FRMD3: variants seen among roughly 807,000 people sequenced by gnomAD.
FRMD3 encodes FERM domain-containing protein 3.
FRMD3 carries 33 observed loss-of-function variants against 70.2 expected under a neutral mutation model. The ratio of observed to expected loss-of-function variants is 0.47; its 90% CI spans 0.36 to 0.63. The LOEUF is 0.63. FRMD3 is among the 20% of genes least tolerant of loss of function. FRMD3 has a pLI of 0.00. For synonymous variants in FRMD3, 279 were observed against 255.9 expected (o/e 1.09, Z -0.86); for missense variants, 632 against 711.4 (o/e 0.89, Z 1.27).
At chr9:83,536,639 C>T (rs927060987) in intron 1 of FRMD3, among the ~76,000 whole-genome samples, 10 of 152,078 alleles carry the variant, frequency 6.6e-5, no homozygotes, top group Non-Finnish European at 1.3e-4. Flanking sequence ...TGCTGCTTAG[C>T]TCAGAATGAA....
intron 1 of FRMD3, among the ~76,000 whole-genome samples, chr9:83,475,287 T>C (rs1048146489): frequency 5.3e-5 from 8 of 151,966 alleles, no homozygotes; most frequent in Non-Finnish European, 1.0e-4. Flanking sequence ...ATAATACATA[T>C]ATATTCATAT....
the FRMD3 span, among the ~76,000 whole-genome samples, chr9:83,568,694 G>A: frequency 6.6e-6 from 1 of 152,188 alleles, no homozygotes; most frequent in Non-Finnish European, 1.5e-5. Flanking sequence ...GTTTCAGACA[G>A]ACAGGAGGAC....
intron 12 of FRMD3, among the ~76,000 whole-genome samples, chr9:83,293,452 G>T (rs1032407892): frequency 6.6e-6 from 1 of 152,158 alleles, no homozygotes; most frequent in Non-Finnish European, 1.5e-5. Flanking sequence ...ACTGGCTGCT[G>T]TTCCTATCCC....
At chr9:83,293,759 G>T (rs11140007) in intron 12 of FRMD3, among the ~76,000 whole-genome samples, 135 of 152,190 alleles carry the variant, frequency 8.9e-4, no homozygotes, top group Middle Eastern at 3.4e-3. Context: ...CCCATGGCCA[G>T]GGACAGGGGC....
At chr9:83,394,513 T>C (rs1187339850) in intron 1 of FRMD3, among the ~76,000 whole-genome samples, 1 of 152,164 alleles carries the variant, frequency 6.6e-6, no homozygotes, top group Non-Finnish European at 1.5e-5. Flanking sequence ...AAAGACAATG[T>C]TTGTAAATAT....
At chr9:83,350,838 C>T in intron 3 of FRMD3, 2 of 657,904 alleles carry the variant, frequency 3.0e-6, no homozygotes, top group Non-Finnish European at 3.8e-6. Context: ...CTTCCAAGAT[C>T]TTCCATTATA....
intron 1 of FRMD3, among the ~76,000 whole-genome samples, chr9:83,507,653 C>T (rs1829217174): frequency 7.3e-6 from 1 of 136,580 alleles, no homozygotes; most frequent in South Asian, 2.3e-4. Context: ...CTGGGCGACA[C>T]AGCGAAACTC....
chr9:83,424,455 G>A (rs556956500), intron 1 of FRMD3, among the ~76,000 whole-genome samples: 91 of 152,164 alleles, frequency 6.0e-4, no homozygotes, highest in Non-Finnish European at 8.8e-4. Flanking sequence ...AGCCTGCCCG[G>A]TATAATTTAA....
chr9:83,335,558 T>C lies in FRMD3; in HGVS notation c.554A>G (p.Lys185Arg). ...AATTTCCACTATTTTTCTTTCCAGCTTCTGTGACTGCTTGGGGAAAATCTC... is the reference window on the plus strand; with the variant it reads ...AATTTCCACTATTTTTCTTTCCAGCCTCTGTGACTGCTTGGGGAAAATCTC... ...EFEIFPKQSQ[K>R]LERKIVEIHK... The change falls in exon 6 of 14, where the codon AAG becomes AGG. Residue 185 changes from lysine (K) to arginine (R), a missense_variant. By Grantham distance (26) the Lys-to-Arg change is conservative (BLOSUM62 2). Around this residue, in one of 3 missense-constraint regions of FRMD3, gnomAD observed 208 missense variants for 247.7 expected, o/e 0.84. Coordinates refer to ENST00000304195, the MANE Select transcript of FRMD3 (RefSeq NM_174938.6). 3.1e-6 allele frequency: 5 copies of C among 1,613,436 alleles called. No individual in the cohort carries two copies. Among genetic ancestry groups the C allele is most frequent in the Non-Finnish European group, 4.2e-6 (5 of 1,179,494 alleles).
intron 13 of FRMD3, among the ~76,000 whole-genome samples, chr9:83,251,153 G>A (rs1220131550): frequency 3.3e-5 from 5 of 152,192 alleles, no homozygotes; most frequent in Non-Finnish European, 5.9e-5. Context: ...AGCTTCCAGT[G>A]GAAGAAGCTG....
intron 13 of FRMD3, among the ~76,000 whole-genome samples, chr9:83,259,249 T>C (rs907333964): frequency 3.9e-5 from 6 of 152,216 alleles, no homozygotes; most frequent in African/African-American, 1.4e-4. Flanking sequence ...ATGATCTGTT[T>C]TACATTTAAA....
the FRMD3 span, among the ~76,000 whole-genome samples, chr9:83,543,706 C>T: frequency 2.0e-5 from 3 of 152,178 alleles, no homozygotes; most frequent in Non-Finnish European, 4.4e-5. Flanking sequence ...GTGCAGCATG[C>T]CAAGGGAACA....
chr9:83,453,266 T>C (rs955577171), intron 1 of FRMD3, among the ~76,000 whole-genome samples: 1 of 152,184 alleles, frequency 6.6e-6, no homozygotes, highest in Non-Finnish European at 1.5e-5. Flanking sequence ...GTGCAAGATA[T>C]ACATTTGTTA....
intron 1 of FRMD3, among the ~76,000 whole-genome samples, chr9:83,463,088 T>C (rs1310879543): frequency 6.6e-6 from 1 of 152,168 alleles, no homozygotes; most frequent in African/African-American, 2.4e-5. Flanking sequence ...GATTCTCTGA[T>C]AGCAAAGAGA....
chr9:83,454,084 C>A (rs910870054), intron 1 of FRMD3, among the ~76,000 whole-genome samples: 1 of 152,148 alleles, frequency 6.6e-6, no homozygotes, highest in Admixed American at 6.5e-5. Context: ...TAATTTTATT[C>A]AACAGCACTG....
At chr9:83,368,768 AG>A (rs1824872744) in intron 3 of FRMD3, among the ~76,000 whole-genome samples, 1 of 152,224 alleles carries the variant, frequency 6.6e-6, no homozygotes, top group Non-Finnish European at 1.5e-5. Context: ...TTGTGTCATT[AG>A]ATTTAAATGG....
At chr9:83,417,887 A>G (rs1350618596) in intron 1 of FRMD3, among the ~76,000 whole-genome samples, 2 of 152,168 alleles carry the variant, frequency 1.3e-5, no homozygotes, top group African/African-American at 4.8e-5. Context: ...AGAGGTAAAT[A>G]AAAATAAGGC....
intron 1 of FRMD3, among the ~76,000 whole-genome samples, chr9:83,452,583 G>A (rs568201933): frequency 1.3e-5 from 2 of 151,754 alleles, no homozygotes; most frequent in African/African-American, 2.4e-5. Flanking sequence ...CCGGGTTCAC[G>A]CCATTCTCCT....
rs551993195 is a variant in FRMD3 at position 83,324,660 on chromosome 9, A to T, written c.596+10856T>A. Reference sequence around the variant, plus strand: ...CATATGCAGAGCTATCTTGTACTAAACTCCACAATTCCAAGCAGCATAACA... The same window carrying T: ...CATATGCAGAGCTATCTTGTACTAATCTCCACAATTCCAAGCAGCATAACA... On this transcript the variant is annotated intron_variant, in intron 6 of 13. Transcript: ENST00000304195. Among the ~76,000 whole-genome samples, 6 of 152,230 alleles carry T rather than the reference A, an allele frequency of 3.9e-5. No homozygotes were observed. The East Asian group carries it at 1.2e-3, about 29-fold the overall frequency.
Sources: gnomAD v4.1 joint callset for allele counts (sites outside exome capture counted in the v4.1 genomes callset) on GRCh38, gnomAD v4.1.1 for gene constraint, gnomAD v4.1.1 regional missense constraint, MANE v1.5 for transcripts, NCBI Gene and HGNC (gene_info 2026-07-23, HGNC 2026-07-21) for gene names.